Variants in ZNF682 observed in about 807,000 individuals in gnomAD.
ZNF682 encodes the protein zinc finger protein 682.
A neutral mutation model predicts 36.5 loss-of-function variants in ZNF682; 29 were observed. The observed-to-expected ratio is 0.80, with a 90% CI of 0.59 to 1.08. The LOEUF (loss-of-function observed/expected upper bound fraction) is 1.08. Ranked by LOEUF, ZNF682 falls within the 50% of genes least tolerant of loss-of-function variation. The pLI is 0.00. For missense variants in ZNF682, 561 were observed against 579.7 expected (o/e 0.97, Z 0.33); for synonymous variants, 180 against 197.0 (o/e 0.91, Z 0.72).
chr19:20,022,497 ATC>A (rs981829232), intron 3 of ZNF682, among the ~76,000 whole-genome samples: 6 of 151,884 alleles, frequency 4.0e-5, no homozygotes, highest in African/African-American at 1.5e-4. Context: ...GAGAAACCCC[ATC>A]TCTACTAAAA....
At chr19:20,019,511 A>C (rs1349164725) in intron 3 of ZNF682, among the ~76,000 whole-genome samples, 1 of 152,218 alleles carries the variant, frequency 6.6e-6, no homozygotes, top group Non-Finnish European at 1.5e-5. Flanking sequence ...TGCACAGCAA[A>C]GAAAATAATA....
At chr19:20,030,345 G>A (rs892210196) in intron 1 of ZNF682, among the ~76,000 whole-genome samples, 1 of 152,168 alleles carries the variant, frequency 6.6e-6, no homozygotes, top group Non-Finnish European at 1.5e-5. Context: ...CGAGGTGGGT[G>A]GATCACCTAA....
In ZNF682 at chr19:20,006,524, T is replaced by C. The variant is rs780542789; in HGVS notation, c.978A>G (p.Ser326=). ...GGGTTCTCTCATGTATAGTAAGTAG[T>C]GAGCAGTGGTTAAAGGCTTTCCCAC... ...KECGKAFNHC[S]LLTIHERTHT... The change falls in exon 4 of 4, where the codon TCA becomes TCG. Residue 326 remains serine, a synonymous_variant. Coordinates refer to ENST00000397165, the MANE Select transcript of ZNF682 (RefSeq NM_033196.3). 6.4e-5 allele frequency: 103 copies of C among 1,613,990 alleles called. No individual in the cohort carries two copies. The highest frequency in any genetic ancestry group is 8.6e-5 in the Non-Finnish European group (101 of 1,180,002).
chr19:20,010,050 AAAAG>A (rs923554450), intron 3 of ZNF682, among the ~76,000 whole-genome samples: 2 of 152,148 alleles, frequency 1.3e-5, no homozygotes, highest in Admixed American at 1.3e-4. Context: ...TTAAAAAAAA[AAAAG>A]AAATTCCAAT....
chr19:20,024,152 C>T, intron 2 of ZNF682, 98 bp downstream of exon 2: 1 of 1,447,692 alleles, frequency 6.9e-7, no homozygotes, highest in Non-Finnish European at 9.6e-7. Context: ...ATCTAAAACT[C>T]ATTTATACAA....
chr19:20,018,674 T>G (rs933606581), intron 3 of ZNF682, among the ~76,000 whole-genome samples: 9 of 152,006 alleles, frequency 5.9e-5, no homozygotes, highest in Non-Finnish European at 1.0e-4. Context: ...AGTATCTACA[T>G]GAAAAAAATA....
Position 20,006,667 on chromosome 19 carries a change from G to A in ZNF682, c.835C>T (p.His279Tyr), listed in dbSNP as rs1251503798. 1 of 1,613,814 alleles carries A rather than the reference G, an allele frequency of 6.2e-7. No homozygotes were observed. Among genetic ancestry groups the A allele is most frequent in the Non-Finnish European group, 8.5e-7 (1 of 1,180,008 alleles). Residue 279 changes from histidine to tyrosine, a missense_variant, in exon 4 of 4, where the codon CAT becomes TAT. By Grantham distance (83) the His-to-Tyr change is moderately conservative (BLOSUM62 2). Coordinates refer to ENST00000397165, the MANE Select transcript of ZNF682 (RefSeq NM_033196.3). ...CSPFVRHKKI[H>Y]TGEKPYTCED... The stretch of plus-strand genomic sequence containing the variant: ...CATGTATAGGGTTTTTCTCCTGTAT[G>A]AATTTTCTTATGTCTAACAAAGGGT...
At chr19:20,024,215 G>A in intron 2 of ZNF682, 35 bp downstream of exon 2, 7 of 1,611,012 alleles carry the variant, frequency 4.3e-6, no homozygotes, top group Non-Finnish European at 5.9e-6. Context: ...AATCTTTTGT[G>A]TGAAATAGAA....
intron 3 of ZNF682, chr19:20,015,893 A>T: frequency 2.5e-6 from 1 of 397,546 alleles, no homozygotes; most frequent in Middle Eastern, 6.3e-4. Context: ...AACAATATAA[A>T]TATTGTAAAA....
At chr19:20,036,210 C>T (rs1276626806) in intron 1 of ZNF682, among the ~76,000 whole-genome samples, 2 of 152,194 alleles carry the variant, frequency 1.3e-5, no homozygotes, top group African/African-American at 4.8e-5. Context: ...TACCTTGGAG[C>T]AGCAGTTTTC....
At chr19:20,032,820 A>G (rs2088490924) in intron 1 of ZNF682, among the ~76,000 whole-genome samples, 1 of 152,230 alleles carries the variant, frequency 6.6e-6, no homozygotes, top group Non-Finnish European at 1.5e-5. Flanking sequence ...CACTTGTCGT[A>G]GATAGTTTAT....
intron 2 of ZNF682, 95 bp downstream of exon 2, chr19:20,024,155 T>A: frequency 6.8e-7 from 1 of 1,472,954 alleles, no homozygotes; most frequent in Non-Finnish European, 9.4e-7. Flanking sequence ...TAAAACTCAT[T>A]TATACAAAGC....
At chr19:20,032,133 T>C (rs2088484812) in intron 1 of ZNF682, among the ~76,000 whole-genome samples, 1 of 152,338 alleles carries the variant, frequency 6.6e-6, no homozygotes, top group Non-Finnish European at 1.5e-5. Flanking sequence ...TAACAGAACT[T>C]GCATCCCTCA....
Position 20,005,876 on chromosome 19 carries a change from C to T in ZNF682, c.*129G>A. The T allele has an allele frequency of 1.1e-6, 1 of 926,106 alleles. No individual in the cohort carries two copies. The allele number at this position is 926,106 out of a possible 1,614,324, so 57.4% of individuals were successfully genotyped here. ...GCTGTCAGCAATGGTTGAAGACTTT[C>T]CCCACATTCTTCACATTTGTAGTGT... On this transcript the variant is annotated 3_prime_UTR_variant, in exon 4 of 4. Coordinates refer to ENST00000397165, the MANE Select transcript of ZNF682 (RefSeq NM_033196.3).
At chr19:19,998,050 A>G (rs12460212) in intron 3 of ZNF682, among the ~76,000 whole-genome samples, 9,617 of 152,242 alleles carry the variant, frequency 0.063, 506 homozygotes, top group East Asian at 0.19. Context: ...TCTTTCCCTT[A>G]CACTCACCCT....
chr19:20,013,465 A>T (rs527248112), intron 3 of ZNF682, among the ~76,000 whole-genome samples: 1 of 152,270 alleles, frequency 6.6e-6, no homozygotes, highest in South Asian at 2.1e-4. Context: ...ACTTCAAAGC[A>T]CTCTAAAAAT....
chr19:20,033,224 G>A lies in ZNF682; in HGVS notation c.3+6119C>T, dbSNP rs1446529319. On this transcript the variant is annotated intron_variant, in intron 1 of 3. Coordinates refer to ENST00000397165, the MANE Select transcript of ZNF682 (RefSeq NM_033196.3). Reference sequence around the variant, plus strand: ...GGAGGTGGAGGTTGCGGTGAGCCGAGATCACACCACTGCACTCCAGCCTGG... The same window carrying A: ...GGAGGTGGAGGTTGCGGTGAGCCGAAATCACACCACTGCACTCCAGCCTGG... 2.6e-5 allele frequency among the ~76,000 whole-genome samples: 4 copies of A among 151,486 alleles called. No individual in the cohort carries two copies. The South Asian group carries it at 8.4e-4, about 32-fold the overall frequency.
Position 20,015,141 on chromosome 19 carries a change from CTAAAA to C in ZNF682, c.226+7858_226+7862del, listed in dbSNP as rs1487044282. On this transcript the variant is annotated intron_variant, in intron 3 of 3. Transcript: ENST00000397165. ...CACAATTAAAAATAAACAATTACACCTAAAATAAAGTTATAAAGCTTTTCAAAAAT... is the reference window on the plus strand; with the variant it reads ...CACAATTAAAAATAAACAATTACACCTAAAGTTATAAAGCTTTTCAAAAAT... 10 of 943,046 alleles carry C rather than the reference CTAAAA, an allele frequency of 1.1e-5. No individual in the cohort carries two copies. The African/African-American group carries it at 1.4e-4, about 13-fold the overall frequency. The allele number at this position is 943,046 out of a possible 1,614,324, so 58.4% of individuals were successfully genotyped here. A position where few individuals can be genotyped will look rare whatever the true frequency, so the allele number is the denominator to read the frequency against.
At chr19:20,033,790 G>C (rs10423440) in intron 1 of ZNF682, 8,750 of 152,500 alleles carry the variant, frequency 0.057, 680 homozygotes, top group African/African-American at 0.18. Context: ...CTGACCTCAA[G>C]TGATCCTCCT....
Sources: gnomAD v4.1 joint callset for allele counts (sites outside exome capture counted in the v4.1 genomes callset) on GRCh38, gnomAD v4.1.1 for gene constraint, MANE v1.5 for transcripts, NCBI Gene and HGNC (gene_info 2026-07-23, HGNC 2026-07-21) for gene names.